The following NLRP7 variants were observed in gnomAD, a reference collection of about 807,000 sequenced individuals.
NLRP7 encodes NACHT, LRR and PYD domains-containing protein 7.
NLRP7 carries 72 observed loss-of-function variants against 85.5 expected under a neutral mutation model. The ratio of observed to expected loss-of-function variants is 0.84; its 90% CI spans 0.70 to 1.02. The LOEUF (loss-of-function observed/expected upper bound fraction) is 1.02, where lower values mean the gene tolerates loss of function less well. Among genes scored for constraint, NLRP7 ranks in the 50% least tolerant of loss-of-function variants. NLRP7 has a pLI of 0.00. For missense variants in NLRP7, 1,243 were observed against 1,219.5 expected (o/e 1.02, Z -0.29); for synonymous variants, 550 against 505.2 (o/e 1.09, Z -1.19).
rs1408512474 is a variant in NLRP7 at position 54,940,047 on chromosome 19, G to T, written c.772C>A (p.Leu258Met). Residue 258 changes from leucine to methionine, a missense_variant, in exon 4 of 10, where the codon CTG becomes ATG. Coordinates refer to ENST00000340844, the Ensembl canonical transcript of NLRP7. ...ATCAGCGCCCCAGGTGGGACTTTCA[G>T]CTCATCAAGGCCATCGACCACGAAC... 3.1e-6 allele frequency: 5 copies of T among 1,614,048 alleles called. No individual in the cohort carries two copies. The Admixed American group carries it at 5.0e-5, about 16-fold the overall frequency.
At chr19:54,931,029 AC>A (rs1278368199) in intron 8 of NLRP7, among the ~76,000 whole-genome samples, 16 of 152,212 alleles carry the variant, frequency 1.1e-4, no homozygotes, top group African/African-American at 1.9e-4. Flanking sequence ...TCTCAAGAAA[AC>A]AACAACAACA....
intron 9 of NLRP7, 97 bp from the exon 10 acceptor site, chr19:54,927,872 A>G: frequency 1.9e-6 from 2 of 1,039,044 alleles, no homozygotes; most frequent in South Asian, 1.3e-5. Flanking sequence ...CGGGTGGATC[A>G]CTTGAGGCCA....
intron 9 of NLRP7, among the ~76,000 whole-genome samples, chr19:54,926,205 G>GGTGTGTGTGTGTGTGTGTGT (rs138774910): frequency 6.3e-5 from 9 of 143,744 alleles, no homozygotes; most frequent in African/African-American, 2.2e-4. Context: ...AATGATTAGG[G>GGTGTGTGTGTGTGTGTGTGT]GTGTGTGTGT....
chr19:54,939,046 G>A (rs2069075090), exon 4 of NLRP7: 1 of 1,614,212 alleles, frequency 6.2e-7, no homozygotes, highest in Non-Finnish European at 8.5e-7. Flanking sequence ...AAATTTCCTT[G>A]AACGGGGCCA....
At chr19:54,930,410 C>A (rs956775693) in intron 9 of NLRP7, 89 bp downstream of exon 9, 6 of 892,122 alleles carry the variant, frequency 6.7e-6, no homozygotes, top group Non-Finnish European at 9.1e-6. Context: ...CGCAGTGAGC[C>A]GTAATCACCC....
At chr19:54,936,190 T>A (rs1288589352) in intron 6 of NLRP7, 71 bp downstream of exon 6, 1 of 1,421,400 alleles carries the variant, frequency 7.0e-7, no homozygotes, top group African/African-American at 1.4e-5. Context: ...GTTACCCTTT[T>A]TCCTAGATCC....
chr19:54,935,957 G>C (rs561132962), intron 6 of NLRP7, among the ~76,000 whole-genome samples: 1 of 152,216 alleles, frequency 6.6e-6, no homozygotes, highest in Admixed American at 6.6e-5. Context: ...GTGCAGAAAA[G>C]GCTGGGGGCC....
intron 1 of NLRP7, 136 bp downstream of exon 1, chr19:54,947,333 A>T (rs2069518759): frequency 1.6e-6 from 1 of 630,272 alleles, no homozygotes; most frequent in South Asian, 1.6e-5. Context: ...TCTCAAAAAA[A>T]AAAAAATCAA....
chr19:54,964,630 C>G (rs1475105700), intron 1 of NLRP7, among the ~76,000 whole-genome samples: 1 of 151,310 alleles, frequency 6.6e-6, no homozygotes, highest in Non-Finnish European at 1.5e-5. Context: ...TGAGACCAGC[C>G]TGGCCAGCAT....
chr19:54,930,471 AAG>A (rs749219153), intron 9 of NLRP7, 26 bp downstream of exon 9: 2 of 1,532,406 alleles, frequency 1.3e-6, no homozygotes, highest in Non-Finnish European at 1.8e-6. Flanking sequence ...CAAAAAAAGA[AAG>A]AAAGAAGAAA....
At chr19:54,940,632 G>C (rs1167676237) in intron 3 of NLRP7, among the ~76,000 whole-genome samples, 166 bp from the exon 4 acceptor site, 2 of 152,030 alleles carry the variant, frequency 1.3e-5, no homozygotes, top group South Asian at 2.1e-4. Flanking sequence ...TTCAAGACCA[G>C]CCTGGCCAAG....
At chr19:54,961,562 C>T (rs1180883779) in intron 1 of NLRP7, among the ~76,000 whole-genome samples, 3 of 151,256 alleles carry the variant, frequency 2.0e-5, no homozygotes, top group Non-Finnish European at 4.4e-5. Context: ...TGTGGCTGGG[C>T]GTGGTGGTTC....
intron 9 of NLRP7, among the ~76,000 whole-genome samples, chr19:54,929,195 C>G (rs1381939556): frequency 6.6e-6 from 1 of 151,892 alleles, no homozygotes; most frequent in African/African-American, 2.4e-5. Flanking sequence ...ATGGTGAAAC[C>G]TGGTCTCTAC....
intron 9 of NLRP7, among the ~76,000 whole-genome samples, chr19:54,928,889 G>A (rs1602116835): frequency 6.6e-6 from 1 of 151,714 alleles, no homozygotes; most frequent in Non-Finnish European, 1.5e-5. Flanking sequence ...TGCAACCTCC[G>A]CCTCCTGGGT....
exon 10 of NLRP7, chr19:54,923,675 T>A: frequency 6.3e-7 from 1 of 1,574,922 alleles, no homozygotes; most frequent in Admixed American, 1.7e-5. Context: ...TGACCTGCAT[T>A]CATAAGACAT....
exon 10 of NLRP7, chr19:54,923,692 G>A (rs1487013326): frequency 2.5e-6 from 4 of 1,608,548 alleles, no homozygotes; most frequent in Non-Finnish European, 3.4e-6. Context: ...ACATCTTAGA[G>A]ACCCGAATCC....
In NLRP7 at chr19:54,939,004, CA is replaced by C; in HGVS notation, c.1814del (p.Met605SerfsTer7). 1 of 1,614,202 alleles carries C rather than the reference CA, an allele frequency of 6.2e-7. No individual in the cohort carries two copies. On this transcript the variant is annotated frameshift_variant, in exon 4 of 10. Transcript: ENST00000340844. LOFTEE classifies it high-confidence loss of function. ...AATGCTTCAGGCTGAAGGAACAATGCATCACTTCAGAAGTATTTGTCAGGTG... is the reference window on the plus strand; with the variant it reads ...AATGCTTCAGGCTGAAGGAACAATGCTCACTTCAGAAGTATTTGTCAGGTG...
chr19:54,944,207 G>A (rs559801932), intron 1 of NLRP7, among the ~76,000 whole-genome samples: 1 of 151,996 alleles, frequency 6.6e-6, no homozygotes, highest in South Asian at 2.1e-4. Flanking sequence ...TTAAGAGGAA[G>A]GTATCTGTCT....
chr19:54,931,146 G>A (rs1445522619), intron 8 of NLRP7, among the ~76,000 whole-genome samples: 10 of 152,278 alleles, frequency 6.6e-5, no homozygotes, highest in South Asian at 6.2e-4. Flanking sequence ...CAAATGGGCC[G>A]GGCACAGTGG....
Sources: gnomAD v4.1 joint callset for allele counts (sites outside exome capture counted in the v4.1 genomes callset) on GRCh38, gnomAD v4.1.1 for gene constraint, MANE v1.5 for transcripts, NCBI Gene and HGNC (gene_info 2026-07-23, HGNC 2026-07-21) for gene names.